Variants in MPPED1 observed in about 807,000 individuals in gnomAD.
The protein encoded by MPPED1 is metallophosphoesterase domain-containing protein 1.
MPPED1 carries 16 observed loss-of-function variants against 36.2 expected under a neutral mutation model. That is an observed-to-expected ratio of 0.44 (90% confidence interval 0.30 to 0.67). The LOEUF (loss-of-function observed/expected upper bound fraction) is 0.67. Ranked by LOEUF, MPPED1 falls within the 30% of genes least tolerant of loss-of-function variation. The probability of loss-of-function intolerance (pLI) is 0.10; values close to 1 mark genes in which losing one functional copy is unlikely to be tolerated. For synonymous variants in MPPED1, 199 were observed against 191.3 expected (o/e 1.04, Z -0.33); for missense variants, 307 against 453.4 (o/e 0.68, Z 2.93).
intron 3 of MPPED1, among the ~76,000 whole-genome samples, chr22:43,443,676 A>AG (rs1164252571): frequency 6.6e-6 from 1 of 152,084 alleles, no homozygotes; most frequent in African/African-American, 2.4e-5. Flanking sequence ...ATAAAAAAAA[A>AG]GTCCAACCAA....
chr22:43,475,755 GTGA>G (rs1193273915), intron 4 of MPPED1, among the ~76,000 whole-genome samples: 6,992 of 97,376 alleles, frequency 0.072, 612 homozygotes, highest in African/African-American at 0.23. Context: ...GGTGGTGGTG[GTGA>G]TGATGATGAT....
intron 3 of MPPED1, among the ~76,000 whole-genome samples, chr22:43,447,556 G>C (rs1237448130): frequency 6.6e-6 from 1 of 151,930 alleles, no homozygotes; most frequent in African/African-American, 2.4e-5. Flanking sequence ...CCGGGGACTA[G>C]TTCCATTTGG....
intron 1 of MPPED1, among the ~76,000 whole-genome samples, chr22:43,423,131 C>T (rs372799755): frequency 2.6e-5 from 4 of 152,222 alleles, no homozygotes; most frequent in East Asian, 1.9e-4. Flanking sequence ...GCCACTGCAC[C>T]GGGCCTCAAA....
intron 3 of MPPED1, among the ~76,000 whole-genome samples, chr22:43,465,100 A>G (rs559858710): frequency 6.2e-4 from 94 of 152,286 alleles, no homozygotes; most frequent in African/African-American, 2.3e-3. Flanking sequence ...CATGGAACAG[A>G]TGGGGAAACT....
chr22:43,447,883 A>ATATATATATATT (rs1321289636), intron 3 of MPPED1, among the ~76,000 whole-genome samples: 763 of 67,644 alleles, frequency 0.011, 15 homozygotes, highest in Non-Finnish European at 0.014. Context: ...ATATATATAT[A>ATATATATATATT]TTTTTTTTTT....
At chr22:43,457,900 A>G (rs1930811233) in intron 3 of MPPED1, among the ~76,000 whole-genome samples, 1 of 152,230 alleles carries the variant, frequency 6.6e-6, no homozygotes, top group Non-Finnish European at 1.5e-5. Context: ...GTGCTGTGTA[A>G]TGATGTTTCT....
intron 2 of MPPED1, among the ~76,000 whole-genome samples, chr22:43,425,498 C>T (rs1049663307): frequency 6.6e-6 from 1 of 152,200 alleles, no homozygotes. Flanking sequence ...AAACTCCAGA[C>T]TTCTGGCTTC....
chr22:43,459,956 C>T (rs1356247609), intron 3 of MPPED1, among the ~76,000 whole-genome samples: 2 of 152,260 alleles, frequency 1.3e-5, no homozygotes, highest in East Asian at 3.9e-4. Flanking sequence ...CGCCTGTAAT[C>T]CCAGCACTTT....
rs1932826850 is a variant in MPPED1, at chr22:43,507,054, G to A, written c.*1438G>A. Reference sequence around the variant, plus strand: ...ATATAGACTCATTTCATCCTCAGATGGTCCTTCAAGGTAGGTACTTTAGTC... The same window carrying A: ...ATATAGACTCATTTCATCCTCAGATAGTCCTTCAAGGTAGGTACTTTAGTC... On this transcript the variant is annotated 3_prime_UTR_variant, in exon 7 of 7. Transcript: ENST00000443721. 6.6e-6 allele frequency: 1 copy of A among 152,134 alleles called. No individual in the cohort carries two copies. The highest frequency in any genetic ancestry group is 2.4e-5 in the African/African-American group (1 of 41,412). The allele number at this position is 152,134 out of a possible 1,614,324, so 9.4% of individuals were successfully genotyped here. A position where few individuals can be genotyped will look rare whatever the true frequency, so the allele number is the denominator to read the frequency against.
At chr22:43,435,294 G>A (rs1929918659) in intron 3 of MPPED1, 79 bp downstream of exon 3, 3 of 1,469,430 alleles carry the variant, frequency 2.0e-6, no homozygotes, top group East Asian at 4.9e-5. Flanking sequence ...CTGCCTGCCT[G>A]CCTTTCCCTC....
chr22:43,425,201 T>A lies in MPPED1; in HGVS notation c.216T>A (p.His72Gln), dbSNP rs1227840191. 2 of 1,434,018 alleles carry A rather than the reference T, an allele frequency of 1.4e-6. No homozygotes were observed. Among genetic ancestry groups the A allele is most frequent in the African/African-American group, 2.9e-5 (2 of 68,480 alleles). 88.8% of individuals were successfully genotyped at this position (1,434,018 alleles called of 1,614,324 possible). A position where few individuals can be genotyped will look rare whatever the true frequency, so the allele number is the denominator to read the frequency against. Reference sequence around the variant, plus strand: ...ACCAGGGCCGCTTCCAGCCACCGCATGTGCAGATGTAAGTGGGACCGGTGG... The same window carrying A: ...ACCAGGGCCGCTTCCAGCCACCGCAAGTGCAGATGTAAGTGGGACCGGTGG... ...NINQGRFQPP[H>Q]VQMVDPVPHD... The change falls in exon 2 of 7, where the codon CAT becomes CAA. Residue 72 changes from histidine (H) to glutamine (Q), a missense_variant. Physicochemically the swap from His to Gln is conservative, Grantham distance 24. Coordinates refer to ENST00000443721, the MANE Select transcript of MPPED1 (RefSeq NM_001044370.2).
In MPPED1 at chr22:43,425,829, C is replaced by T. The variant is rs541566171; in HGVS notation, c.224+620C>T. On this transcript the variant is annotated intron_variant, in intron 2 of 6. Transcript: ENST00000443721. ...CTGGGGGATTCTGTTGTCTGCCCCT[C>T]GGGGCATTGGGGGTGCTCAAGCAGT... 3.8e-4 allele frequency among the ~76,000 whole-genome samples: 58 copies of T among 152,362 alleles called. No individual in the cohort carries two copies. The South Asian group carries it at 6.0e-3, about 16-fold the overall frequency.
intron 1 of MPPED1, chr22:43,416,869 G>A (rs1929092634): frequency 2.6e-6 from 1 of 391,272 alleles, no homozygotes; most frequent in Admixed American, 6.5e-5. Flanking sequence ...AGCTTTGTGT[G>A]TTTCTTTGCG....
intron 2 of MPPED1, among the ~76,000 whole-genome samples, chr22:43,430,210 G>C (rs1929625155): frequency 6.6e-6 from 1 of 152,136 alleles, no homozygotes; most frequent in African/African-American, 2.4e-5. Flanking sequence ...GCAGGAATAG[G>C]GTTACGAGGG....
chr22:43,448,929 C>G (rs1211595867), intron 3 of MPPED1, among the ~76,000 whole-genome samples: 3 of 152,008 alleles, frequency 2.0e-5, no homozygotes, highest in Non-Finnish European at 4.4e-5. Context: ...CTAAGGAGAC[C>G]TTTTGTATAT....
At chr22:43,419,583 T>C (rs1278291401) in intron 1 of MPPED1, among the ~76,000 whole-genome samples, 2 of 12,334 alleles carry the variant, frequency 1.6e-4, no homozygotes, top group East Asian at 0.018. Context: ...AGGTGCTGAG[T>C]TCACCTGAGG....
At chr22:43,481,823 C>T (rs957448275) in intron 4 of MPPED1, among the ~76,000 whole-genome samples, 1 of 152,228 alleles carries the variant, frequency 6.6e-6, no homozygotes, top group African/African-American at 2.4e-5. Flanking sequence ...GGGCCCTGCC[C>T]TCCCCAGCAA....
At position 43,475,752 on chromosome 22, in the gene MPPED1, GTGGTGA is replaced by G. The variant is rs1217587345; in HGVS notation, c.632+794_632+799del. On this transcript the variant is annotated intron_variant, in intron 4 of 6. Coordinates refer to ENST00000443721, the MANE Select transcript of MPPED1 (RefSeq NM_001044370.2). ...GATGATGGTTGTGGTGGTGGTGGTG[GTGGTGA>G]TGATGATGATGAGGGTGAGGGTGAG... 1.6e-3 allele frequency among the ~76,000 whole-genome samples: 110 copies of G among 70,334 alleles called. 1 individual carries two copies. Among genetic ancestry groups the G allele is most frequent in the Admixed American group, 4.5e-3 (32 of 7,180 alleles). The allele number at this position is 70,334 out of a possible 152,430, so 46.1% of individuals were successfully genotyped here.
At chr22:43,420,834 C>A (rs1263018469) in intron 1 of MPPED1, among the ~76,000 whole-genome samples, 1 of 152,256 alleles carries the variant, frequency 6.6e-6, no homozygotes, top group Non-Finnish European at 1.5e-5. Context: ...CCCCTCCACC[C>A]CGTCCCATGT....
Sources: gnomAD v4.1 joint callset for allele counts (sites outside exome capture counted in the v4.1 genomes callset) on GRCh38, gnomAD v4.1.1 for gene constraint, MANE v1.5 for transcripts, NCBI Gene and HGNC (gene_info 2026-07-23, HGNC 2026-07-21) for gene names.